Variants in NAALADL2 observed in about 807,000 individuals in gnomAD.
NAALADL2 encodes the protein inactive N-acetylated-alpha-linked acidic dipeptidase-like protein 2.
Under a neutral mutation model 87.2 loss-of-function variants are expected in NAALADL2, and 76 were observed. That is an observed-to-expected ratio of 0.87 (90% CI 0.72 to 1.05). The LOEUF is 1.05. Ranked by LOEUF, NAALADL2 falls within the 50% of genes least tolerant of loss-of-function variation. The pLI is 0.00. For synonymous variants in NAALADL2, 354 were observed against 331.0 expected (o/e 1.07, Z -0.75); for missense variants, 1,089 against 945.8 (o/e 1.15, Z -1.99).
intron 9 of NAALADL2, among the ~76,000 whole-genome samples, chr3:175,544,891 T>G (rs1384758426): frequency 6.6e-6 from 1 of 152,160 alleles, no homozygotes; most frequent in African/African-American, 2.4e-5. Context: ...ATTTCCATGA[T>G]TTAGCATTCA....
chr3:175,528,047 G>A lies in NAALADL2; in HGVS notation c.1654-47994G>A, dbSNP rs138061924. On this transcript the variant is annotated intron_variant, in intron 9 of 13. Coordinates refer to ENST00000454872, the MANE Select transcript of NAALADL2 (RefSeq NM_207015.3). ...AGTTTGAAAAAGTATACTCATATTT[G>A]CATAACAAAGCACTTTTGGTTGGTG... 1.4e-3 allele frequency among the ~76,000 whole-genome samples: 206 copies of A among 152,130 alleles called. 1 individual carries two copies. Among genetic ancestry groups the A allele is most frequent in the African/African-American group, 4.7e-3 (193 of 41,502 alleles).
At chr3:175,749,647 G>C (rs993202056) in intron 12 of NAALADL2, among the ~76,000 whole-genome samples, 6 of 152,282 alleles carry the variant, frequency 3.9e-5, no homozygotes, top group African/African-American at 4.8e-5. Flanking sequence ...CCTCTGAAAG[G>C]CTCCACCTTC....
intron 1 of NAALADL2, among the ~76,000 whole-genome samples, chr3:174,522,958 G>GA (rs1268616563): frequency 9.0e-6 from 1 of 111,446 alleles, no homozygotes; most frequent in African/African-American, 3.3e-5. Flanking sequence ...AAAAAAAAAA[G>GA]AAAAAAAACA....
At chr3:174,787,446 G>A (rs1716801424) in intron 3 of NAALADL2, among the ~76,000 whole-genome samples, 1 of 150,270 alleles carries the variant, frequency 6.7e-6, no homozygotes, top group Non-Finnish European at 1.5e-5. Flanking sequence ...TAAGACTACA[G>A]GGATAGAATA....
intron 5 of NAALADL2, among the ~76,000 whole-genome samples, chr3:175,326,712 G>T (rs1414443815): frequency 6.6e-6 from 1 of 152,152 alleles, no homozygotes; most frequent in Non-Finnish European, 1.5e-5. Flanking sequence ...AAGGCATAAT[G>T]GTAAGAGAGC....
At chr3:174,459,023 G>A (rs1374605077) in intron 1 of NAALADL2, among the ~76,000 whole-genome samples, 1 of 152,158 alleles carries the variant, frequency 6.6e-6, no homozygotes, top group Non-Finnish European at 1.5e-5. Context: ...GGATGATCCA[G>A]AAGTGTGGTT....
chr3:175,249,705 T>C (rs1748658533), intron 3 of NAALADL2, among the ~76,000 whole-genome samples: 3 of 152,102 alleles, frequency 2.0e-5, no homozygotes, highest in Admixed American at 2.0e-4. Context: ...AACTTTAGGG[T>C]AACTAAGTAA....
At position 174,934,288 on chromosome 3, in the gene NAALADL2, G is replaced by T. The variant is rs189289349; in HGVS notation, c.43+74838G>T. The stretch of plus-strand genomic sequence containing the variant: ...AATATGTATGATTTCTTAACCAAGA[G>T]ACTCGGATTACATGTCAAATGAGCA... On this transcript the variant is annotated intron_variant, in intron 1 of 13. Transcript: ENST00000454872. Among the ~76,000 whole-genome samples the T allele has an allele frequency of 2.9e-3, 434 of 152,202 alleles. 4 individuals are homozygous for T. Among genetic ancestry groups the T allele is most frequent in the Admixed American group, 0.024 (366 of 15,276 alleles).
chr3:175,593,608 G>A (rs1721839244), intron 10 of NAALADL2, among the ~76,000 whole-genome samples: 1 of 152,134 alleles, frequency 6.6e-6, no homozygotes, highest in African/African-American at 2.4e-5. Flanking sequence ...GGGTGGCAAG[G>A]AGAAACTGTT....
In NAALADL2 at chr3:175,715,259, T is replaced by C. The variant is rs141962137; in HGVS notation, c.1897-22047T>C. 6.6e-3 allele frequency among the ~76,000 whole-genome samples: 1,009 copies of C among 152,312 alleles called. 14 individuals carry two copies. Among genetic ancestry groups the C allele is most frequent in the African/African-American group, 0.023 (955 of 41,578 alleles). ...AACTGGCTGCTACACCATTGTTCACTCTGCTCTATTCTAGTAGAAGAGTTC... is the reference window on the plus strand; with the variant it reads ...AACTGGCTGCTACACCATTGTTCACCCTGCTCTATTCTAGTAGAAGAGTTC... On this transcript the variant is annotated intron_variant, in intron 11 of 13. Transcript: ENST00000454872.
chr3:175,232,907 A>AAAAAAAG (rs1553824354), intron 2 of NAALADL2, among the ~76,000 whole-genome samples: 1 of 151,900 alleles, frequency 6.6e-6, no homozygotes. Flanking sequence ...ATTAAAAAAA[A>AAAAAAAG]ACTTTCTCAG....
intron 1 of NAALADL2, among the ~76,000 whole-genome samples, chr3:174,930,613 A>ATTTTTT (rs1188907600): frequency 2.0e-5 from 2 of 99,774 alleles, no homozygotes; most frequent in East Asian, 3.6e-4. Context: ...AATAAGATGA[A>ATTTTTT]CTTTTTTTTT....
intron 1 of NAALADL2, among the ~76,000 whole-genome samples, chr3:174,512,313 T>C (rs1578057860): frequency 6.6e-6 from 1 of 152,188 alleles, no homozygotes; most frequent in East Asian, 1.9e-4. Context: ...AAGTTGGCTG[T>C]AATTCTCATC....
chr3:175,093,416 T>TATATATATATATATATATATA (rs1489640629), intron 1 of NAALADL2, among the ~76,000 whole-genome samples: 1 of 139,524 alleles, frequency 7.2e-6, no homozygotes, highest in African/African-American at 2.7e-5. Context: ...TTTTATTTTT[T>TATATATATATATATATATATA]TATATATATA....
At chr3:175,620,193 C>T (rs111802771) in intron 10 of NAALADL2, among the ~76,000 whole-genome samples, 2 of 152,200 alleles carry the variant, frequency 1.3e-5, no homozygotes, top group Non-Finnish European at 2.9e-5. Flanking sequence ...AGCCAGAAAT[C>T]TCTGTGGCTG....
chr3:175,530,913 C>A (rs1163987976), intron 9 of NAALADL2, among the ~76,000 whole-genome samples: 1 of 152,102 alleles, frequency 6.6e-6, no homozygotes, highest in Non-Finnish European at 1.5e-5. Flanking sequence ...CCACCAAAGC[C>A]CAGTAACAGG....
chr3:175,526,732 A>C (rs1238848485), intron 9 of NAALADL2, among the ~76,000 whole-genome samples: 8 of 152,156 alleles, frequency 5.3e-5, no homozygotes, highest in African/African-American at 1.4e-4. Flanking sequence ...CAACAAACAA[A>C]AGCCCACTAT....
At chr3:175,269,213 A>G (rs1003248050) in intron 4 of NAALADL2, among the ~76,000 whole-genome samples, 1 of 152,102 alleles carries the variant, frequency 6.6e-6, no homozygotes, top group African/African-American at 2.4e-5. Flanking sequence ...TGCTGAGATT[A>G]CAGGTGTGAG....
intron 4 of NAALADL2, among the ~76,000 whole-genome samples, chr3:175,297,266 G>A (rs1365603835): frequency 6.6e-6 from 1 of 152,130 alleles, no homozygotes; most frequent in African/African-American, 2.4e-5. Context: ...GTAACTAAGT[G>A]TTCAACATAG....
Sources: allele counts gnomAD v4.1 joint callset (sites outside exome capture counted in the v4.1 genomes callset), GRCh38; gene constraint gnomAD v4.1.1; transcripts MANE v1.5; gene names NCBI Gene and HGNC (gene_info 2026-07-23, HGNC 2026-07-21).